SON: variants seen among roughly 807,000 people sequenced by gnomAD.
The protein encoded by SON is protein SON.
Under a neutral mutation model 173.3 loss-of-function variants are expected in SON, and 4 were observed. That is an observed-to-expected ratio of 0.02 (90% CI 0.01 to 0.05). SON has a LOEUF of 0.05. Ranked by LOEUF, SON falls within the 10% of genes least tolerant of loss-of-function variation. SON has a pLI of 1.00. For missense variants in SON, 2,626 were observed against 3,055.3 expected (o/e 0.86, Z 3.31); for synonymous variants, 1,190 against 1,105.9 (o/e 1.08, Z -1.51).
rs765540254 is a variant in SON at position 33,559,793 on chromosome 21, T to C, written c.6657+18T>C. On this transcript the variant is annotated intron_variant, in intron 6 of 11. Transcript: ENST00000356577. This position sits in a 1 kb window ranked among gnomAD's most constrained non-coding sequence, Gnocchi z 4.1. ...CCTCAGAGGTAAGTAGGAGGAATAT[T>C]ATGTATTTTTCCTTTTTTATACCTG... The C allele has an allele frequency of 6.2e-7, 1 of 1,609,758 alleles. No individual in the cohort carries two copies. The highest frequency in any genetic ancestry group is 1.1e-5 in the South Asian group (1 of 90,838).
Position 33,554,139 on chromosome 21 carries a change from T to C in SON, c.4908T>C (p.Asp1636=). Residue 1636 remains aspartate (D), a synonymous_variant, in exon 3 of 12, where the codon GAT becomes GAC. Transcript: ENST00000356577. ...TTGATTTATCTTTAACTACTCAAGA[T>C]ACTGAACATGACATGGTAATTTCCA... ...YDVDLSLTTQ[D]TEHDMVISTS... The C allele has an allele frequency of 1.2e-6, 2 of 1,614,154 alleles. No homozygotes were observed. The highest frequency in any genetic ancestry group is 1.7e-6 in the Non-Finnish European group (2 of 1,179,990).
intron 1 of SON, among the ~76,000 whole-genome samples, chr21:33,544,047 T>C (rs1164227883): frequency 1.3e-5 from 2 of 152,244 alleles, no homozygotes; most frequent in African/African-American, 4.8e-5. Context: ...TTGTATAAGA[T>C]ACTCATTTCT....
rs772877764 is a variant in SON, at chr21:33,543,083, A to G, written c.-10A>G. The G allele has an allele frequency of 4.3e-6, 7 of 1,613,898 alleles. No homozygotes were observed. Among genetic ancestry groups the G allele is most frequent in the Non-Finnish European group, 5.9e-6 (7 of 1,179,732 alleles). On this transcript the variant is annotated 5_prime_UTR_variant, in exon 1 of 12. Coordinates refer to ENST00000356577, the MANE Select transcript of SON (RefSeq NM_138927.4). ...TAGCGAGGAGGAGTTGAGAGAACGGAGCGGACGCCATGGCGACCAACATCG... is the reference window on the plus strand; with the variant it reads ...TAGCGAGGAGGAGTTGAGAGAACGGGGCGGACGCCATGGCGACCAACATCG...
rs770770726 is a variant in SON, at chr21:33,553,827, A to C, written c.4596A>C (p.Ile1532=). The C allele has an allele frequency of 6.2e-6, 10 of 1,613,860 alleles. No individual in the cohort carries two copies. In the East Asian group the frequency reaches 6.7e-5, roughly 11 times the overall value. ...ACGAAAGTGAACATGGTATAAATAT[A>C]GACCTTAATATAAATAATCATTTAA... ...DFYESEHGIN[I]DLNINNHLIA... The change falls in exon 3 of 12, where the codon ATA becomes ATC. Residue 1532 remains isoleucine (I), a synonymous_variant. Transcript: ENST00000356577.
intron 8 of SON, chr21:33,571,926 G>C (rs1048030633): frequency 6.6e-6 from 1 of 152,560 alleles, no homozygotes; most frequent in Admixed American, 6.5e-5. Flanking sequence ...CTCCACAGCT[G>C]CCTCCTTCCA....
chr21:33,557,608 A>G, intron 4 of SON: 2 of 1,549,534 alleles, frequency 1.3e-6, no homozygotes, highest in Non-Finnish European at 1.7e-6. Context: ...GTGTTGAGTG[A>G]GCAACACGCA....
chr21:33,573,914 C>A (rs1569070191), intron 9 of SON, among the ~76,000 whole-genome samples: 1 of 151,986 alleles, frequency 6.6e-6, no homozygotes, highest in Non-Finnish European at 1.5e-5. Flanking sequence ...TTTTTTCTTC[C>A]AAGCTCAGTA....
rs547105579 is a variant in SON at position 33,561,983 on chromosome 21, A to G, written c.6657+2208A>G. Among the ~76,000 whole-genome samples, 12 of 152,274 alleles carry G rather than the reference A, an allele frequency of 7.9e-5. No individual in the cohort carries two copies. The South Asian group carries it at 2.5e-3, about 32-fold the overall frequency. Reference sequence around the variant, plus strand: ...AAAACCTCTTTAAGCTGCTTAGAAGATTAGACTCAAAAGAACATACAGATT... The same window carrying G: ...AAAACCTCTTTAAGCTGCTTAGAAGGTTAGACTCAAAAGAACATACAGATT... On this transcript the variant is annotated intron_variant, in intron 6 of 11. Transcript: ENST00000356577.
intron 6 of SON, chr21:33,560,415 A>G (rs2086050239): frequency 7.2e-6 from 8 of 1,107,560 alleles, no homozygotes; most frequent in Non-Finnish European, 6.6e-6. Context: ...CTTTGCTACT[A>G]TTAAAAGTCG....
intron 1 of SON, 59 bp from the exon 2 acceptor site, chr21:33,546,154 A>G: frequency 1.4e-6 from 2 of 1,439,788 alleles, no homozygotes; most frequent in Non-Finnish European, 1.9e-6. Context: ...AATTAATTGG[A>G]TTTTTTTATT....
chr21:33,565,379 G>A (rs1436056138), intron 6 of SON, among the ~76,000 whole-genome samples: 1 of 152,118 alleles, frequency 6.6e-6, no homozygotes. Context: ...GATTTATAGA[G>A]ACTGCTAGGA....
chr21:33,557,278 A>G lies in SON; in HGVS notation c.6283A>G (p.Lys2095Glu). ...ACCTACTATAGAAGAGAAAGTTGCT[A>G]AAAAGTCAGGAGGAGCTACTATAGA... ...PPPTIEEKVA[K>E]KSGGATIEEL... Residue 2095 changes from lysine (K) to glutamate (E), a missense_variant, in exon 4 of 12, where the codon AAA becomes GAA. Around this residue, in one of 13 missense-constraint regions of SON, gnomAD observed 19 missense variants for 16.8 expected, o/e 1.13. Coordinates refer to ENST00000356577, the MANE Select transcript of SON (RefSeq NM_138927.4). The G allele has an allele frequency of 6.2e-7, 1 of 1,613,872 alleles. No homozygotes were observed. The highest frequency in any genetic ancestry group is 8.5e-7 in the Non-Finnish European group (1 of 1,179,986).
Position 33,551,891 on chromosome 21 carries a change from C to T in SON, c.2660C>T (p.Ala887Val), listed in dbSNP as rs375491396. 94 of 1,613,956 alleles carry T rather than the reference C, an allele frequency of 5.8e-5. No homozygotes were observed. The highest frequency in any genetic ancestry group is 7.0e-5 in the Non-Finnish European group (83 of 1,180,020). ...ASGTMDAQML[A>V]SGTMDAQMLA... ...GGCACCATGGATGCTCAGATGTTAG[C>T]GTCTGGTACCATGGATGCCCAGATG... The change falls in exon 3 of 12, where the codon GCG (alanine) becomes GTG (valine). Residue 887 changes from alanine to valine, a missense_variant. Transcript: ENST00000356577.
intron 6 of SON, among the ~76,000 whole-genome samples, chr21:33,564,967 G>C (rs1417334552): frequency 6.6e-6 from 1 of 151,600 alleles, no homozygotes; most frequent in African/African-American, 2.4e-5. Flanking sequence ...AAGAGTAAAT[G>C]AAGTTTTACT....
At chr21:33,572,681 G>C in intron 8 of SON, 1 of 939,902 alleles carries the variant, frequency 1.1e-6, no homozygotes, top group Non-Finnish European at 1.5e-6. Context: ...ATCAAGCTAG[G>C]TTTTAAAAGA....
chr21:33,560,690 G>T, intron 6 of SON: 1 of 842,870 alleles, frequency 1.2e-6, no homozygotes, highest in Non-Finnish European at 1.4e-6. Flanking sequence ...AATCACGCTT[G>T]GGGGATGTGG....
At position 33,567,193 on chromosome 21, in the gene SON, C is replaced by G; in HGVS notation, c.6694C>G (p.Leu2232Val). 6.2e-7 allele frequency: 1 copy of G among 1,611,348 alleles called. No homozygotes were observed. Among genetic ancestry groups the G allele is most frequent in the South Asian group, 1.1e-5 (1 of 90,986 alleles). Residue 2232 changes from leucine (L) to valine (V), a missense_variant, in exon 7 of 12, where the codon CTT becomes GTT. Leu to Val is a conservative substitution (Grantham distance 32, BLOSUM62 1). Coordinates refer to ENST00000356577, the MANE Select transcript of SON (RefSeq NM_138927.4). Reference protein sequence around the residue: ...DISTAMSERALAQKRLSENAF... With the variant: ...DISTAMSERAVAQKRLSENAF... ...CTCTACAGCAATGAGTGAACGGGCACTTGCTCAGAAAAGACTCAGTGAGAA... is the reference window on the plus strand; with the variant it reads ...CTCTACAGCAATGAGTGAACGGGCAGTTGCTCAGAAAAGACTCAGTGAGAA...
chr21:33,553,564 G>C lies in SON; in HGVS notation c.4333G>C (p.Val1445Leu). The C allele has an allele frequency of 1.2e-6, 2 of 1,614,170 alleles. No individual in the cohort carries two copies. The highest frequency in any genetic ancestry group is 1.7e-6 in the Non-Finnish European group (2 of 1,180,040). Residue 1445 changes from valine to leucine, a missense_variant, in exon 3 of 12, where the codon GTG becomes CTG. Transcript: ENST00000356577. Reference protein sequence around the residue: ...EPSVSVQESTVTVSEPAVTVS... With the variant: ...EPSVSVQESTLTVSEPAVTVS... ...ATCTGTTTCTGTCCAGGAATCGACTGTGACAGTTTCAGAGCCTGCTGTCAC... is the reference window on the plus strand; with the variant it reads ...ATCTGTTTCTGTCCAGGAATCGACTCTGACAGTTTCAGAGCCTGCTGTCAC...
rs189907491 is a variant in SON at position 33,559,420 on chromosome 21, G to A, written c.6468+44G>A. On this transcript the variant is annotated intron_variant, in intron 5 of 11. Coordinates refer to ENST00000356577, the MANE Select transcript of SON (RefSeq NM_138927.4). This position sits in a 1 kb window ranked among gnomAD's most constrained non-coding sequence, Gnocchi z 4.1. ...GGATTGGTAAAACAGTGTAACTTGT[G>A]GAACTATTTAAATAAAACCCAAATC... 2.4e-5 allele frequency: 37 copies of A among 1,549,972 alleles called. No individual in the cohort carries two copies. In the East Asian group the frequency reaches 8.1e-4, roughly 34 times the overall value.
Sources: allele counts gnomAD v4.1 joint callset (sites outside exome capture counted in the v4.1 genomes callset), GRCh38; gene constraint gnomAD v4.1.1; regional missense constraint gnomAD v4.1.1; non-coding constraint Gnocchi (gnomAD v3.1); transcripts MANE v1.5; gene names NCBI Gene and HGNC (gene_info 2026-07-23, HGNC 2026-07-21).